The following RAD51 variants were observed in gnomAD, a reference collection of about 807,000 sequenced individuals.
RAD51 encodes the protein DNA repair protein RAD51 homolog 1.
In RAD51, 14 loss-of-function variants were observed where a neutral mutation model predicts 41.5. The ratio of observed to expected loss-of-function variants is 0.34; its 90% CI spans 0.22 to 0.53. The LOEUF (loss-of-function observed/expected upper bound fraction) is 0.53, where lower values mean the gene tolerates loss of function less well. RAD51 is among the 20% of genes least tolerant of loss of function. The probability of loss-of-function intolerance (pLI) is 0.95; values close to 1 mark genes in which losing one functional copy is unlikely to be tolerated. For missense variants in RAD51, 234 were observed against 422.0 expected, an observed-to-expected ratio of 0.55 and a Z score of 3.90; for synonymous variants, 136 against 148.6, an observed-to-expected ratio of 0.92 and a Z score of 0.62.
intron 5 of RAD51, among the ~76,000 whole-genome samples, chr15:40,713,065 G>C (rs1243259831): frequency 4.0e-5 from 6 of 150,880 alleles, no homozygotes. Context: ...ATTTTTAGTA[G>C]AGACGAGGTT....
chr15:40,701,361 C>CTTTTTTTTTTTTTTT (rs946965505), intron 3 of RAD51, among the ~76,000 whole-genome samples, 160 bp downstream of exon 3: 1 of 139,828 alleles, frequency 7.2e-6, no homozygotes. Flanking sequence ...CTTTTCTTTT[C>CTTTTTTTTTTTTTTT]TTTTTTTTTT....
chr15:40,713,245 CTT>C (rs368095686), intron 5 of RAD51, among the ~76,000 whole-genome samples: 7 of 127,124 alleles, frequency 5.5e-5, no homozygotes, highest in Non-Finnish European at 4.8e-5. Context: ...TCTTATTTTC[CTT>C]TTTTTTTTTT....
At chr15:40,725,647 C>G (rs1896541885) in intron 6 of RAD51, among the ~76,000 whole-genome samples, 1 of 152,176 alleles carries the variant, frequency 6.6e-6, no homozygotes, top group Non-Finnish European at 1.5e-5. Context: ...GACTTCAGAT[C>G]TACTGAATCA....
chr15:40,706,095 C>T, intron 3 of RAD51, 82 bp from the exon 4 acceptor site: 1 of 983,678 alleles, frequency 1.0e-6, no homozygotes, highest in Admixed American at 1.8e-5. Flanking sequence ...TTTCTTTTTT[C>T]TTTATATATA....
At chr15:40,704,168 G>C (rs1895177472) in intron 3 of RAD51, among the ~76,000 whole-genome samples, 2 of 151,994 alleles carry the variant, frequency 1.3e-5, no homozygotes, top group Admixed American at 1.3e-4. Flanking sequence ...CTGCCTCTTG[G>C]GTTCAAGCGA....
intron 8 of RAD51, 69 bp from the exon 9 acceptor site, chr15:40,729,784 G>A (rs773130123): frequency 3.4e-5 from 55 of 1,612,502 alleles, no homozygotes; most frequent in Non-Finnish European, 4.5e-5. Flanking sequence ...GTGGGGGAAA[G>A]TGGTGGCAGC....
intron 5 of RAD51, 86 bp from the exon 6 acceptor site, chr15:40,718,719 A>T (rs1012773899): frequency 8.5e-7 from 1 of 1,175,350 alleles, no homozygotes; most frequent in African/African-American, 1.5e-5. Context: ...TTTGCCTTGG[A>T]GGAATTATAA....
chr15:40,696,177 C>T lies in RAD51; in HGVS notation c.-3+752C>T, dbSNP rs112131218. 4.1e-3 allele frequency among the ~76,000 whole-genome samples: 618 copies of T among 151,536 alleles called. 2 individuals are homozygous for T. The highest frequency in any genetic ancestry group is 6.7e-3 in the Non-Finnish European group (457 of 68,018). ...ACAGCCGTGAGCCACAGCGCCTGGCCCCTGTTTTTTTGTTTGTTTGTTTGT... is the reference window on the plus strand; with the variant it reads ...ACAGCCGTGAGCCACAGCGCCTGGCTCCTGTTTTTTTGTTTGTTTGTTTGT... On this transcript the variant is annotated intron_variant, in intron 1 of 9. Transcript: ENST00000267868.
chr15:40,730,523 T>TTTTTTTTTTTCTTTTC, intron 9 of RAD51, among the ~76,000 whole-genome samples: 4 of 129,684 alleles, frequency 3.1e-5, no homozygotes, highest in Non-Finnish European at 4.9e-5. Context: ...TTTTTTTCTT[T>TTTTTTTTTTTCTTTTC]TTTTTTTTTT....
At chr15:40,726,241 A>AAT (rs1896574589) in intron 6 of RAD51, among the ~76,000 whole-genome samples, 1 of 113,404 alleles carries the variant, frequency 8.8e-6, no homozygotes. Flanking sequence ...TAGGCCCAGG[A>AAT]ATTTTTTTTT....
chr15:40,707,929 G>A (rs1595989759), intron 4 of RAD51, among the ~76,000 whole-genome samples: 2 of 151,200 alleles, frequency 1.3e-5, no homozygotes, highest in East Asian at 3.9e-4. Flanking sequence ...TCTTGGCCAG[G>A]CTGGTCTCAA....
At chr15:40,705,002 G>T (rs1595985436) in intron 3 of RAD51, among the ~76,000 whole-genome samples, 1 of 151,850 alleles carries the variant, frequency 6.6e-6, no homozygotes, top group Non-Finnish European at 1.5e-5. Context: ...TAGAGCCAGG[G>T]TGCTGCTTTG....
chr15:40,725,006 T>C (rs1896507563), intron 6 of RAD51, among the ~76,000 whole-genome samples: 1 of 150,380 alleles, frequency 6.6e-6, no homozygotes, highest in Non-Finnish European at 1.5e-5. Flanking sequence ...TCCACGCCAT[T>C]CTCCTGCCTC....
At chr15:40,730,126 G>T in intron 9 of RAD51, 152 bp downstream of exon 9, 1 of 1,167,270 alleles carries the variant, frequency 8.6e-7, no homozygotes. Context: ...GCTCTCGTTG[G>T]TATAGATGTT....
Position 40,731,347 on chromosome 15 carries a change from C to A in RAD51, c.*169C>A. ...CTGATGGTATAAACAGGAGACAGGT[C>A]AGTAGTCACAAACTGATCTAAAATG... On this transcript the variant is annotated 3_prime_UTR_variant, in exon 10 of 10. Coordinates refer to ENST00000267868, the MANE Select transcript of RAD51 (RefSeq NM_002875.5). The A allele has an allele frequency of 1.3e-6, 1 of 792,190 alleles. No individual in the cohort carries two copies. Among genetic ancestry groups the A allele is most frequent in the Non-Finnish European group, 2.0e-6 (1 of 489,042 alleles). The allele number at this position is 792,190 out of a possible 1,614,324, so 49.1% of individuals were successfully genotyped here.
chr15:40,704,527 A>AT (rs1895208980), intron 3 of RAD51, among the ~76,000 whole-genome samples: 1 of 150,218 alleles, frequency 6.7e-6, no homozygotes, highest in Non-Finnish European at 1.5e-5. Flanking sequence ...ACGCCCAGCT[A>AT]TTTTTTGTAT....
intron 5 of RAD51, among the ~76,000 whole-genome samples, chr15:40,710,269 A>AAAAAAAAAAAAAAAAAAAAAAAAAG (rs1555427504): frequency 9.6e-6 from 1 of 104,362 alleles, no homozygotes; most frequent in East Asian, 3.2e-4. Context: ...AAAAAAAAAA[A>AAAAAAAAAAAAAAAAAAAAAAAAAG]AGAAGAAGAA....
chr15:40,730,741 C>G (rs1416530745), intron 9 of RAD51, among the ~76,000 whole-genome samples: 1 of 151,626 alleles, frequency 6.6e-6, no homozygotes, highest in Non-Finnish European at 1.5e-5. Flanking sequence ...CCAGGATGGT[C>G]TCGATCTCCT....
At chr15:40,729,787 G>T (rs1189263187) in intron 8 of RAD51, 66 bp from the exon 9 acceptor site, 2 of 1,612,686 alleles carry the variant, frequency 1.2e-6, no homozygotes, top group East Asian at 2.2e-5. Flanking sequence ...GGGGAAAGTG[G>T]TGGCAGCATT....
Sources: allele counts gnomAD v4.1 joint callset (sites outside exome capture counted in the v4.1 genomes callset), GRCh38; gene constraint gnomAD v4.1.1; transcripts MANE v1.5; gene names NCBI Gene and HGNC (gene_info 2026-07-23, HGNC 2026-07-21).